Variants in NOX4 observed in about 807,000 individuals in gnomAD.
NOX4 encodes the protein NADPH oxidase 4.
In NOX4, 69 loss-of-function variants were observed where a neutral mutation model predicts 87.6. That is an observed-to-expected ratio of 0.79 (90% CI 0.65 to 0.96). The LOEUF (loss-of-function observed/expected upper bound fraction) is 0.96. Ranked by LOEUF, NOX4 falls within the 40% of genes least tolerant of loss-of-function variation. NOX4 has a pLI of 0.00. For missense variants in NOX4, 680 were observed against 681.5 expected (o/e 1.00, Z 0.02); for synonymous variants, 275 against 238.2 (o/e 1.15, Z -1.42).
intron 2 of NOX4, among the ~76,000 whole-genome samples, chr11:89,473,223 A>G (rs1349367574): frequency 6.6e-6 from 1 of 152,104 alleles, no homozygotes; most frequent in Non-Finnish European, 1.5e-5. Context: ...GAGAAGTTGA[A>G]AGTGTTTTGC....
chr11:89,466,167 C>T (rs762438622), intron 2 of NOX4, among the ~76,000 whole-genome samples: 7 of 152,074 alleles, frequency 4.6e-5, no homozygotes, highest in South Asian at 2.1e-4. Flanking sequence ...GTTTAAGCTG[C>T]CTAGTCTATG....
intron 7 of NOX4, among the ~76,000 whole-genome samples, chr11:89,428,301 C>T (rs1943562577): frequency 6.6e-6 from 1 of 152,146 alleles, no homozygotes; most frequent in Admixed American, 6.5e-5. Flanking sequence ...CTAGAAGAAA[C>T]TGCATCAACT....
intron 7 of NOX4, among the ~76,000 whole-genome samples, chr11:89,429,797 C>T (rs925965264): frequency 6.6e-6 from 1 of 152,148 alleles, no homozygotes; most frequent in South Asian, 2.1e-4. Flanking sequence ...TCATACCATT[C>T]CTTCTGAAAC....
intron 8 of NOX4, among the ~76,000 whole-genome samples, chr11:89,405,624 C>CA (rs201859016): frequency 0.19 from 25,289 of 135,428 alleles, 2,276 homozygotes; most frequent in East Asian, 0.34. Context: ...AATCATTCAT[C>CA]AAAAAAAAAA....
intron 2 of NOX4, among the ~76,000 whole-genome samples, chr11:89,485,953 C>T (rs1040094185): frequency 9.9e-5 from 15 of 152,036 alleles, no homozygotes; most frequent in Admixed American, 9.2e-4. Flanking sequence ...GCCATGACCA[C>T]GTTGCCTCCA....
At chr11:89,467,917 G>A (rs1231456691) in intron 2 of NOX4, among the ~76,000 whole-genome samples, 3 of 152,192 alleles carry the variant, frequency 2.0e-5, no homozygotes, top group African/African-American at 4.8e-5. Flanking sequence ...CATCGCATCA[G>A]TAAAATTTTG....
chr11:89,454,797 C>T (rs1235334479), intron 2 of NOX4, among the ~76,000 whole-genome samples: 4 of 152,118 alleles, frequency 2.6e-5, no homozygotes, highest in South Asian at 2.1e-4. Context: ...CCAGGCTAAG[C>T]GTTTTTAATG....
intron 9 of NOX4, among the ~76,000 whole-genome samples, chr11:89,401,008 G>C (rs1248420051): frequency 6.6e-6 from 1 of 152,038 alleles, no homozygotes; most frequent in African/African-American, 2.4e-5. Context: ...TGCATGGTTA[G>C]CCCTGATCCC....
At chr11:89,422,163 T>A (rs971558041) in intron 7 of NOX4, among the ~76,000 whole-genome samples, 181 bp from the exon 8 acceptor site, 17 of 152,058 alleles carry the variant, frequency 1.1e-4, no homozygotes, top group African/African-American at 4.1e-4. Context: ...TGACAAAAAT[T>A]ATGAGTAAGA....
chr11:89,561,050 CATAT>C, the NOX4 span, among the ~76,000 whole-genome samples: 370 of 28,538 alleles, frequency 0.013, 6 homozygotes, highest in Middle Eastern at 0.091. Flanking sequence ...ATATATCATA[CATAT>C]ATATATATAT....
intron 8 of NOX4, among the ~76,000 whole-genome samples, chr11:89,413,707 G>A (rs1355057220): frequency 6.6e-6 from 1 of 151,928 alleles, no homozygotes; most frequent in Non-Finnish European, 1.5e-5. Flanking sequence ...ATGAGTATTG[G>A]TTATAAAAAT....
intron 2 of NOX4, among the ~76,000 whole-genome samples, chr11:89,479,635 C>G (rs774280715): frequency 6.6e-6 from 1 of 152,074 alleles, no homozygotes; most frequent in Non-Finnish European, 1.5e-5. Context: ...TCCATGAAAA[C>G]CTTTGATAGT....
intron 17 of NOX4, among the ~76,000 whole-genome samples, chr11:89,334,816 G>A (rs1004038853): frequency 2.0e-5 from 3 of 151,524 alleles, no homozygotes; most frequent in Admixed American, 6.6e-5. Flanking sequence ...TTTTGCAGAA[G>A]TATGATTAGG....
the NOX4 span, among the ~76,000 whole-genome samples, chr11:89,504,425 A>G: frequency 6.6e-6 from 1 of 151,976 alleles, no homozygotes; most frequent in Admixed American, 6.6e-5. Flanking sequence ...TCTTTTAAAA[A>G]CATCACTCTG....
the NOX4 span, among the ~76,000 whole-genome samples, chr11:89,587,514 G>A: frequency 1.3e-5 from 2 of 151,986 alleles, no homozygotes; most frequent in Non-Finnish European, 2.9e-5. Flanking sequence ...GCAATCAGAG[G>A]GGAGGAAAAC....
At chr11:89,537,628 A>G in the NOX4 span, among the ~76,000 whole-genome samples, 1 of 152,098 alleles carries the variant, frequency 6.6e-6, no homozygotes, top group Non-Finnish European at 1.5e-5. Flanking sequence ...CCCCGAGGCT[A>G]AACTGCTTAT....
intron 2 of NOX4, among the ~76,000 whole-genome samples, chr11:89,465,271 G>T (rs1591322583): frequency 6.6e-6 from 1 of 152,248 alleles, no homozygotes; most frequent in South Asian, 2.1e-4. Context: ...TGCTGTGAAT[G>T]ATGGTTTCCA....
At chr11:89,449,987 A>G (rs922749593) in intron 3 of NOX4, among the ~76,000 whole-genome samples, 1 of 152,202 alleles carries the variant, frequency 6.6e-6, no homozygotes, top group Admixed American at 6.5e-5. Flanking sequence ...GATTATTTTA[A>G]AATGAAGCAA....
the NOX4 span, among the ~76,000 whole-genome samples, chr11:89,519,027 T>G: frequency 8.7e-4 from 132 of 152,182 alleles, 1 homozygote; most frequent in African/African-American, 3.1e-3. Context: ...AAGTACTTAC[T>G]CAGTGTTCAT....
Sources: gnomAD v4.1 joint callset for allele counts (sites outside exome capture counted in the v4.1 genomes callset) on GRCh38, gnomAD v4.1.1 for gene constraint, MANE v1.5 for transcripts, NCBI Gene and HGNC (gene_info 2026-07-23, HGNC 2026-07-21) for gene names.